The following WDFY2 variants were observed in gnomAD, a reference collection of about 807,000 sequenced individuals.
WDFY2 encodes the protein WD repeat and FYVE domain-containing protein 2.
In WDFY2, 36 loss-of-function variants were observed where a neutral mutation model predicts 56.4. The observed-to-expected ratio is 0.64, with a 90% CI of 0.49 to 0.84. WDFY2 has a LOEUF of 0.84. WDFY2 is among the 40% of genes least tolerant of loss of function. The pLI, the probability that WDFY2 is intolerant of heterozygous loss-of-function variation, is 0.00. For synonymous variants in WDFY2, 176 were observed against 183.7 expected, an observed-to-expected ratio of 0.96 and a Z score of 0.34; for missense variants, 444 against 512.2, an observed-to-expected ratio of 0.87 and a Z score of 1.29.
intron 1 of WDFY2, among the ~76,000 whole-genome samples, chr13:51,627,945 A>G (rs1184071417): frequency 1.3e-5 from 2 of 152,108 alleles, no homozygotes; most frequent in Admixed American, 1.3e-4. Flanking sequence ...TATGGGCTTC[A>G]GAGGGGAGGA....
chr13:51,618,849 CT>C (rs1317767227), intron 1 of WDFY2, among the ~76,000 whole-genome samples: 1 of 152,208 alleles, frequency 6.6e-6, no homozygotes, highest in African/African-American at 2.4e-5. Context: ...TTCTCCCTGC[CT>C]TTTGCCATTG....
chr13:51,655,357 G>A (rs1955488525), intron 1 of WDFY2, among the ~76,000 whole-genome samples: 1 of 151,760 alleles, frequency 6.6e-6, no homozygotes, highest in Admixed American at 6.6e-5. Context: ...ATTAGATTAA[G>A]GAAATTTTCT....
At chr13:51,743,057 T>C (rs1391186316) in intron 7 of WDFY2, among the ~76,000 whole-genome samples, 2 of 152,180 alleles carry the variant, frequency 1.3e-5, no homozygotes, top group African/African-American at 4.8e-5. Context: ...AGAGGACAGG[T>C]GGACAAGGAT....
At chr13:51,752,199 C>T (rs896770356) in intron 8 of WDFY2, among the ~76,000 whole-genome samples, 5 of 152,160 alleles carry the variant, frequency 3.3e-5, no homozygotes, top group African/African-American at 9.7e-5. Context: ...AGAGAGTAGT[C>T]GCTATTACCC....
rs1055302389 is a variant in WDFY2 at position 51,641,622 on chromosome 13, C to T, written c.138-18974C>T. ...CGGGCGGATCACGAGGTCAGGAGAT[C>T]GAGACCATCCCGGCTAAAACGGTGA... On this transcript the variant is annotated intron_variant, in intron 1 of 11. Transcript: ENST00000298125. Among the ~76,000 whole-genome samples, 9 of 149,698 alleles carry T rather than the reference C, an allele frequency of 6.0e-5. No homozygotes were observed. The South Asian group carries it at 6.3e-4, about 11-fold the overall frequency.
At position 51,764,221 on chromosome 13, in the gene WDFY2, A is replaced by C. The variant is rs1467677441; in HGVS notation, c.*4452A>C. The C allele has an allele frequency of 6.6e-6, 1 of 152,214 alleles. No homozygotes were observed. The highest frequency in any genetic ancestry group is 1.5e-5 in the Non-Finnish European group (1 of 68,044). The allele number at this position is 152,214 out of a possible 1,614,324, so 9.4% of individuals were successfully genotyped here. A position where few individuals can be genotyped will look rare whatever the true frequency, so the allele number is the denominator to read the frequency against. ...ACCAGGCTTTAGGCACTGGCAGTGCAAGGTGTCTGAGGCCCATTCTCAGGC... is the reference window on the plus strand; with the variant it reads ...ACCAGGCTTTAGGCACTGGCAGTGCCAGGTGTCTGAGGCCCATTCTCAGGC... On this transcript the variant is annotated 3_prime_UTR_variant, in exon 12 of 12. Transcript: ENST00000298125.
intron 1 of WDFY2, among the ~76,000 whole-genome samples, chr13:51,624,343 G>A (rs940754294): frequency 6.6e-6 from 1 of 152,136 alleles, no homozygotes; most frequent in Non-Finnish European, 1.5e-5. Flanking sequence ...TTCCACCCCT[G>A]ATTTGCTTTT....
At chr13:51,620,724 T>G (rs1401898203) in intron 1 of WDFY2, among the ~76,000 whole-genome samples, 1 of 152,200 alleles carries the variant, frequency 6.6e-6, no homozygotes, top group Non-Finnish European at 1.5e-5. Flanking sequence ...TTTTCTTTGA[T>G]GTAGCTGAGC....
chr13:51,622,638 A>C (rs1411010551), intron 1 of WDFY2, among the ~76,000 whole-genome samples: 2 of 152,218 alleles, frequency 1.3e-5, no homozygotes, highest in African/African-American at 4.8e-5. Flanking sequence ...GCATTTGTTC[A>C]TTTATTAAAC....
intron 1 of WDFY2, among the ~76,000 whole-genome samples, chr13:51,650,941 G>A (rs1320531848): frequency 1.3e-5 from 2 of 152,158 alleles, no homozygotes; most frequent in East Asian, 3.8e-4. Context: ...AATGAGTTAG[G>A]GAGGATTCCC....
At chr13:51,708,643 AAC>A (rs1210394272) in intron 4 of WDFY2, among the ~76,000 whole-genome samples, 2 of 152,290 alleles carry the variant, frequency 1.3e-5, no homozygotes, top group African/African-American at 4.8e-5. Flanking sequence ...AATATAAAAC[AAC>A]ACAGTAATAG....
intron 7 of WDFY2, among the ~76,000 whole-genome samples, chr13:51,741,706 CT>C (rs1456389661): frequency 6.6e-6 from 1 of 152,204 alleles, no homozygotes; most frequent in Admixed American, 6.5e-5. Context: ...TCCGTTCAAT[CT>C]TGCAATAACA....
intron 3 of WDFY2, among the ~76,000 whole-genome samples, chr13:51,693,346 T>A (rs1452396406): frequency 3.3e-5 from 5 of 151,606 alleles, no homozygotes; most frequent in Non-Finnish European, 7.4e-5. Flanking sequence ...CTCTACACAC[T>A]GCTTTGAATG....
Position 51,751,394 on chromosome 13 carries a change from C to T in WDFY2, c.810C>T (p.Asn270=). 6.2e-7 allele frequency: 1 copy of T among 1,614,074 alleles called. No individual in the cohort carries two copies. The highest frequency in any genetic ancestry group is 1.1e-5 in the South Asian group (1 of 91,080). The change falls in exon 8 of 12, where the codon AAC becomes AAT. Residue 270 remains asparagine (N), a synonymous_variant. Coordinates refer to ENST00000298125, the MANE Select transcript of WDFY2 (RefSeq NM_052950.4). ...GTGATGGTGGGATTGTCGTCTGGAA[C>T]ATGGACGTGGAGAGGCAGGAGGTAG... is the stretch of plus-strand genomic sequence containing the variant. The part of the protein sequence containing the change: ...CGGDGGIVVW[N]MDVERQETPE...
intron 3 of WDFY2, among the ~76,000 whole-genome samples, chr13:51,693,395 T>A (rs1287045942): frequency 6.6e-6 from 1 of 151,726 alleles, no homozygotes; most frequent in Non-Finnish European, 1.5e-5. Context: ...TTTGTTCTCA[T>A]TGGTTTCAAA....
At chr13:51,695,030 C>A (rs1209432099) in intron 3 of WDFY2, among the ~76,000 whole-genome samples, 2 of 152,206 alleles carry the variant, frequency 1.3e-5, no homozygotes, top group Non-Finnish European at 2.9e-5. Flanking sequence ...CTTTCAGCTC[C>A]ATCAGCTCCT....
intron 1 of WDFY2, among the ~76,000 whole-genome samples, chr13:51,626,802 GC>G (rs1405048680): frequency 6.6e-6 from 1 of 152,264 alleles, no homozygotes; most frequent in Admixed American, 6.5e-5. Flanking sequence ...GTGTTGCTTT[GC>G]CAGCCAGGAA....
intron 5 of WDFY2, among the ~76,000 whole-genome samples, chr13:51,726,605 G>A (rs1952610312): frequency 6.6e-6 from 1 of 152,146 alleles, no homozygotes; most frequent in African/African-American, 2.4e-5. Context: ...TTCAGTGTAA[G>A]CCACATTATT....
In WDFY2 at chr13:51,758,249, C is replaced by T. The variant is rs780677694; in HGVS notation, c.1122C>T (p.Phe374=). The T allele has an allele frequency of 8.1e-6, 13 of 1,601,740 alleles. No individual in the cohort carries two copies. The South Asian group carries it at 8.9e-5, about 11-fold the overall frequency. The change falls in exon 11 of 12, where the codon TTC becomes TTT. Residue 374 remains phenylalanine, a synonymous_variant. Transcript: ENST00000298125. ...DSKHNIVHVH[F]DATRGWLLTS... is the part of the protein sequence containing the mutation. Reference sequence around the variant, plus strand: ...AACATAACATTGTGCATGTGCATTTCGATGCAACCAGAGGATGGTTACTGA... The same window carrying T: ...AACATAACATTGTGCATGTGCATTTTGATGCAACCAGAGGATGGTTACTGA...
Sources: gnomAD v4.1 joint callset for allele counts (sites outside exome capture counted in the v4.1 genomes callset) on GRCh38, gnomAD v4.1.1 for gene constraint, MANE v1.5 for transcripts, NCBI Gene and HGNC (gene_info 2026-07-23, HGNC 2026-07-21) for gene names.